The following NRXN1 variants were observed in gnomAD, a reference collection of about 807,000 sequenced individuals.
The protein encoded by NRXN1 is neurexin-1.
NRXN1 carries 39 observed loss-of-function variants against 150.9 expected under a neutral mutation model. The observed-to-expected ratio is 0.26, with a 90% CI of 0.20 to 0.34. NRXN1 has a LOEUF of 0.34. NRXN1 is among the 10% of genes least tolerant of loss of function. NRXN1 has a pLI of 1.00. For synonymous variants in NRXN1, 924 were observed against 757.0 expected, an observed-to-expected ratio of 1.22 and a Z score of -3.62; for missense variants, 1,815 against 1,949.9, an observed-to-expected ratio of 0.93 and a Z score of 1.30.
chr2:50,380,988 C>T (rs2080915964), intron 17 of NRXN1, among the ~76,000 whole-genome samples: 1 of 152,104 alleles, frequency 6.6e-6, no homozygotes, highest in Non-Finnish European at 1.5e-5. Flanking sequence ...ATCATAGCAG[C>T]AATATTCTAT....
intron 17 of NRXN1, among the ~76,000 whole-genome samples, chr2:50,294,825 G>C (rs540241783): frequency 6.6e-6 from 1 of 152,260 alleles, no homozygotes; most frequent in East Asian, 1.9e-4. Context: ...TATTTCCAGA[G>C]TTACTTTATT....
At chr2:50,631,386 A>C (rs577579265) in intron 5 of NRXN1, 1 of 234,208 alleles carries the variant, frequency 4.3e-6, no homozygotes, top group Non-Finnish European at 8.4e-6. Context: ...TATGAAAGGT[A>C]AGTTAGACTT....
At chr2:50,328,669 G>C (rs768045445) in intron 17 of NRXN1, among the ~76,000 whole-genome samples, 19 of 152,186 alleles carry the variant, frequency 1.2e-4, no homozygotes, top group Middle Eastern at 6.3e-3. Context: ...CCAGGAGGCA[G>C]AGGTTGCAGT....
chr2:50,447,242 G>C (rs1028296088), intron 17 of NRXN1, among the ~76,000 whole-genome samples: 1 of 151,964 alleles, frequency 6.6e-6, no homozygotes, highest in Non-Finnish European at 1.5e-5. Flanking sequence ...GGGAGGCCAA[G>C]GTGGGCAGAT....
chr2:50,109,123 T>C (rs1015922251), intron 18 of NRXN1, among the ~76,000 whole-genome samples: 4 of 152,182 alleles, frequency 2.6e-5, no homozygotes, highest in African/African-American at 9.6e-5. Context: ...CTCTGTGTGA[T>C]GGATACATTA....
intron 5 of NRXN1, chr2:50,631,045 C>T: frequency 2.3e-6 from 1 of 426,120 alleles, no homozygotes; most frequent in Non-Finnish European, 4.8e-6. Context: ...TTGCCACGAA[C>T]TGTGTAACTG....
At chr2:50,107,165 C>G (rs938282898) in intron 18 of NRXN1, among the ~76,000 whole-genome samples, 5 of 151,168 alleles carry the variant, frequency 3.3e-5, no homozygotes, top group African/African-American at 1.2e-4. Context: ...CTGAGCCTTT[C>G]AAAGGTATTG....
At chr2:50,893,345 A>G (rs1442743520) in intron 5 of NRXN1, among the ~76,000 whole-genome samples, 1 of 152,208 alleles carries the variant, frequency 6.6e-6, no homozygotes, top group Non-Finnish European at 1.5e-5. Context: ...TTGTAGTTAA[A>G]TATATCCTAC....
At chr2:50,953,554 C>T (rs1406164712) in intron 2 of NRXN1, among the ~76,000 whole-genome samples, 1 of 149,528 alleles carries the variant, frequency 6.7e-6, no homozygotes, top group Non-Finnish European at 1.5e-5. Flanking sequence ...GTTCAAGTGA[C>T]AATTTTTTTT....
intron 17 of NRXN1, among the ~76,000 whole-genome samples, chr2:50,357,207 A>C (rs1046596385): frequency 2.6e-5 from 4 of 152,162 alleles, no homozygotes; most frequent in Non-Finnish European, 5.9e-5. Flanking sequence ...TCAAGGCAGC[A>C]GTGAGTAATG....
chr2:50,474,839 C>CCA (rs1558795095), intron 15 of NRXN1, among the ~76,000 whole-genome samples: 1 of 108,846 alleles, frequency 9.2e-6, no homozygotes, highest in Non-Finnish European at 1.8e-5. Flanking sequence ...GCCCCCCTAC[C>CCA]AAAAAAAAAA....
chr2:50,508,562 G>C lies in NRXN1; in HGVS notation c.2375-1945C>G, dbSNP rs547005272. The stretch of plus-strand genomic sequence containing the variant: ...TATCATTTTAGAGCTATTTTTATAG[G>C]GAACTTTTTTTTTTTGTTAGAAATA... On this transcript the variant is annotated intron_variant, in intron 12 of 22. Coordinates refer to ENST00000401669, the MANE Select transcript of NRXN1 (RefSeq NM_001330078.2). Among the ~76,000 whole-genome samples the C allele has an allele frequency of 1.8e-3, 276 of 152,082 alleles. 1 individual carries two copies. The highest frequency in any genetic ancestry group is 6.4e-3 in the African/African-American group (264 of 41,506).
chr2:50,132,503 C>T (rs1437653119), intron 18 of NRXN1, among the ~76,000 whole-genome samples: 4 of 152,008 alleles, frequency 2.6e-5, no homozygotes, highest in Admixed American at 2.6e-4. Context: ...GACAGGGTTT[C>T]ATCGTGTTAG....
chr2:50,883,402 C>A (rs1336729145), intron 5 of NRXN1, among the ~76,000 whole-genome samples: 1 of 149,818 alleles, frequency 6.7e-6, no homozygotes, highest in Non-Finnish European at 1.5e-5. Context: ...AAGTAGTTCA[C>A]AACATTCAAC....
At chr2:50,459,914 C>T (rs142466725) in intron 17 of NRXN1, among the ~76,000 whole-genome samples, 1 of 152,146 alleles carries the variant, frequency 6.6e-6, no homozygotes, top group African/African-American at 2.4e-5. Context: ...CCCATCCTGC[C>T]TTGATTCTGC....
intron 22 of NRXN1, among the ~76,000 whole-genome samples, chr2:49,932,028 C>T (rs909869907): frequency 1.3e-5 from 2 of 151,984 alleles, no homozygotes; most frequent in African/African-American, 4.8e-5. Context: ...AAAATGGCAA[C>T]ATTATAGCTA....
intron 21 of NRXN1, among the ~76,000 whole-genome samples, chr2:49,996,391 G>C (rs1683006500): frequency 6.6e-6 from 1 of 152,164 alleles, no homozygotes; most frequent in African/African-American, 2.4e-5. Flanking sequence ...CCTGAATCAA[G>C]AGGAGGACAG....
chr2:50,506,590 C>T lies in NRXN1; in HGVS notation c.2402G>A (p.Gly801Asp), dbSNP rs1330946898. The T allele has an allele frequency of 1.2e-6, 2 of 1,613,178 alleles. No homozygotes were observed. Among genetic ancestry groups the T allele is most frequent in the Admixed American group, 3.3e-5 (2 of 59,904 alleles). Reference protein sequence around the residue: ...SSKGPETLFAGYNLNDNEWHT... With the variant: ...SSKGPETLFADYNLNDNEWHT... The stretch of plus-strand genomic sequence containing the variant: ...CCACTCGTTATCATTGAGGTTATAG[C>T]CAGCAAAAAGAGTCTCGGGACCTTT... The change falls in exon 13 of 23, where the codon GGC (glycine) becomes GAC (aspartate). Residue 801 changes from glycine (G) to aspartate (D), a missense_variant. By Grantham distance (94) the Gly-to-Asp change is moderately conservative. Coordinates refer to ENST00000401669, the MANE Select transcript of NRXN1 (RefSeq NM_001330078.2).
intron 5 of NRXN1, among the ~76,000 whole-genome samples, chr2:50,710,332 C>T (rs114172789): frequency 1.6e-4 from 25 of 152,274 alleles, no homozygotes; most frequent in Middle Eastern, 3.4e-3. Context: ...GCATTAACTC[C>T]AGATCACTAC....
Sources: gnomAD v4.1 joint callset for allele counts (sites outside exome capture counted in the v4.1 genomes callset) on GRCh38, gnomAD v4.1.1 for gene constraint, MANE v1.5 for transcripts, NCBI Gene and HGNC (gene_info 2026-07-23, HGNC 2026-07-21) for gene names.